Variants in MCMDC2 observed in about 807,000 individuals in gnomAD.
The protein encoded by MCMDC2 is minichromosome maintenance domain containing 2, also known as minichromosome maintenance domain-containing protein 2.
Under a neutral mutation model 75.8 loss-of-function variants are expected in MCMDC2, and 54 were observed. That is an observed-to-expected ratio of 0.71 (90% CI 0.57 to 0.89). MCMDC2 has a LOEUF of 0.89. MCMDC2 is among the 40% of genes least tolerant of loss of function. MCMDC2 has a pLI of 0.00. For synonymous variants in MCMDC2, 249 were observed against 274.6 expected (o/e 0.91, Z 0.92); for missense variants, 656 against 780.4 (o/e 0.84, Z 1.90).
At chr8:66,880,809 T>C in intron 7 of MCMDC2, 40 bp from the exon 8 acceptor site, 1 of 1,471,680 alleles carries the variant, frequency 6.8e-7, no homozygotes, top group Non-Finnish European at 9.0e-7. Context: ...CAAAGTTCAT[T>C]TAGTGAATAT....
chr8:66,898,538 C>T (rs1184939776), intron 12 of MCMDC2, among the ~76,000 whole-genome samples: 2 of 150,768 alleles, frequency 1.3e-5, no homozygotes, highest in Non-Finnish European at 1.5e-5. Flanking sequence ...GCAGGAGAAT[C>T]GCTTGAACCC....
chr8:66,900,551 G>C (rs1465252385), intron 12 of MCMDC2, among the ~76,000 whole-genome samples: 2 of 152,036 alleles, frequency 1.3e-5, no homozygotes, highest in African/African-American at 4.8e-5. Context: ...TTTTCCTGCA[G>C]TTATCTGAAT....
intron 8 of MCMDC2, among the ~76,000 whole-genome samples, chr8:66,882,590 T>C (rs1811639362): frequency 6.6e-6 from 1 of 152,138 alleles, no homozygotes; most frequent in South Asian, 2.1e-4. Context: ...GGTCTCAAAC[T>C]CCTGACCTCA....
In MCMDC2 at chr8:66,874,395, A is replaced by T. The variant is rs766423912; in HGVS notation, c.164A>T (p.Asp55Val). Residue 55 changes from aspartate to valine, a missense_variant, in exon 3 of 15, where the codon GAT becomes GTT. Physicochemically the swap from Asp to Val is radical, Grantham distance 152 (BLOSUM62 -3). Coordinates refer to ENST00000422365, the MANE Select transcript of MCMDC2 (RefSeq NM_173518.5). ...LINPSDVVELDAELGNHILHQ... is the reference protein window; with the variant it reads ...LINPSDVVELVAELGNHILHQ... ...AATCCCTCTGATGTTGTTGAATTAG[A>T]TGCTGAGCTTGGAAATCACATTTTA... The T allele has an allele frequency of 4.3e-6, 7 of 1,613,790 alleles. No homozygotes were observed. Among genetic ancestry groups the T allele is most frequent in the Non-Finnish European group, 5.9e-6 (7 of 1,179,934 alleles).
chr8:66,902,711 A>AAAAAAATATATATAT (rs1467425752), intron 13 of MCMDC2, among the ~76,000 whole-genome samples: 1 of 67,916 alleles, frequency 1.5e-5, no homozygotes, highest in African/African-American at 7.3e-5. Flanking sequence ...AAAAAAAAAA[A>AAAAAAATATATATAT]ATATATATAT....
intron 14 of MCMDC2, among the ~76,000 whole-genome samples, chr8:66,917,585 C>A (rs2130874400): frequency 6.6e-6 from 1 of 152,230 alleles, no homozygotes; most frequent in East Asian, 1.9e-4. Flanking sequence ...CTCCTCTACT[C>A]CTCCTGGGAG....
chr8:66,885,955 A>G (rs538814410), intron 9 of MCMDC2, among the ~76,000 whole-genome samples: 2 of 152,254 alleles, frequency 1.3e-5, no homozygotes, highest in African/African-American at 4.8e-5. Flanking sequence ...GTTTCTGTTG[A>G]TGAGTAGCAT....
At chr8:66,891,602 C>G (rs920502155) in intron 10 of MCMDC2, among the ~76,000 whole-genome samples, 2 of 152,152 alleles carry the variant, frequency 1.3e-5, no homozygotes, top group African/African-American at 4.8e-5. Context: ...TCGGGTGTTG[C>G]TTCTCAAGCC....
chr8:66,926,216 A>G (rs963152880), downstream of MCMDC2: 1 of 152,184 alleles, frequency 6.6e-6, no homozygotes, highest in African/African-American at 2.4e-5. Flanking sequence ...TGAACATGTT[A>G]TAATTTGCTG....
At chr8:66,881,168 A>G (rs1284514849) in intron 8 of MCMDC2, among the ~76,000 whole-genome samples, 194 bp downstream of exon 8, 14 of 152,240 alleles carry the variant, frequency 9.2e-5, no homozygotes, top group Admixed American at 9.2e-4. Context: ...TAAGCAAAAG[A>G]CAATTTCAGA....
rs1468617258 is a variant in MCMDC2, at chr8:66,890,884, AACCTTGTCCCCCGTGGTAT to A, written c.1096_1114del (p.Leu366ValfsTer3). ...CCCTAGGCTTCTGAATTTTAGCATA[AACCTTGTCCCCCGTGGTAT>A]ACGTCATCTAGTCTCTACTGAAATT... On this transcript the variant is annotated frameshift_variant, in exon 10 of 15. Transcript: ENST00000422365. LOFTEE classifies it high-confidence loss of function. 1.2e-6 allele frequency: 2 copies of A among 1,606,304 alleles called. No homozygotes were observed. Among genetic ancestry groups the A allele is most frequent in the Non-Finnish European group, 1.7e-6 (2 of 1,178,386 alleles).
chr8:66,914,269 T>TAA (rs1161691738), intron 14 of MCMDC2, among the ~76,000 whole-genome samples: 1 of 98,968 alleles, frequency 1.0e-5, no homozygotes, highest in East Asian at 2.8e-4. Context: ...GGCAACAGAG[T>TAA]AAGACCCTGT....
intron 5 of MCMDC2, among the ~76,000 whole-genome samples, chr8:66,878,043 T>TATTG (rs1222365108): frequency 1.3e-5 from 2 of 151,960 alleles, no homozygotes; most frequent in Non-Finnish European, 2.9e-5. Context: ...CCCGCCCCCA[T>TATTG]CTTAACAAGT....
rs1813431400 is a variant in MCMDC2, at chr8:66,919,230, TGA to T, written c.*65_*66del. 5 of 1,319,790 alleles carry T rather than the reference TGA, an allele frequency of 3.8e-6. No individual in the cohort carries two copies. The highest frequency in any genetic ancestry group is 3.0e-5 in the African/African-American group (2 of 67,414). The allele number at this position is 1,319,790 out of a possible 1,614,324, so 81.8% of individuals were successfully genotyped here. A position where few individuals can be genotyped will look rare whatever the true frequency, so the allele number is the denominator to read the frequency against. Reference sequence around the variant, plus strand: ...CAGTGGAGAAAAAGTGTGACTATTTTGAGAGTGACTTTGAAGTAATGCTTTGA... The same window carrying T: ...CAGTGGAGAAAAAGTGTGACTATTTTGAGTGACTTTGAAGTAATGCTTTGA... On this transcript the variant is annotated 3_prime_UTR_variant, in exon 15 of 15. Coordinates refer to ENST00000422365, the MANE Select transcript of MCMDC2 (RefSeq NM_173518.5).
intron 11 of MCMDC2, among the ~76,000 whole-genome samples, 180 bp from the exon 12 acceptor site, chr8:66,896,599 TA>T (rs1051053795): frequency 2.6e-5 from 4 of 152,042 alleles, no homozygotes; most frequent in East Asian, 1.9e-4. Context: ...AAAGAGGCTT[TA>T]AAAAAATCAA....
At position 66,887,265 on chromosome 8, in the gene MCMDC2, C is replaced by T. The variant is rs142250540; in HGVS notation, c.1073+3271C>T. On this transcript the variant is annotated intron_variant, in intron 9 of 14. Transcript: ENST00000422365. ...TTTAAGAAATCCTTGTCTGGCTGGG[C>T]GCGGTGGCTCATGTTTATAACCCCA... 7.6e-3 allele frequency among the ~76,000 whole-genome samples: 1,147 copies of T among 151,784 alleles called. 49 individuals are homozygous for T. Among genetic ancestry groups the T allele is most frequent in the East Asian group, 8.7e-3 (45 of 5,172 alleles).
At chr8:66,890,102 C>T (rs935430553) in intron 9 of MCMDC2, among the ~76,000 whole-genome samples, 3 of 152,130 alleles carry the variant, frequency 2.0e-5, no homozygotes, top group Admixed American at 1.3e-4. Context: ...AGTCTTGCTC[C>T]GTCACCCAGG....
chr8:66,891,547 A>G (rs940515355), intron 10 of MCMDC2, among the ~76,000 whole-genome samples: 2 of 152,128 alleles, frequency 1.3e-5, no homozygotes, highest in Admixed American at 6.5e-5. Flanking sequence ...GATTTTGTCA[A>G]ATGCTTTGTC....
At chr8:66,914,328 A>T (rs959772196) in intron 14 of MCMDC2, among the ~76,000 whole-genome samples, 4 of 151,834 alleles carry the variant, frequency 2.6e-5, no homozygotes, top group African/African-American at 7.3e-5. Flanking sequence ...TGAATATATA[A>T]TACAAATTGA....
Sources: allele counts gnomAD v4.1 joint callset (sites outside exome capture counted in the v4.1 genomes callset), GRCh38; gene constraint gnomAD v4.1.1; transcripts MANE v1.5; gene names NCBI Gene and HGNC (gene_info 2026-07-23, HGNC 2026-07-21).